STAB2: variants seen among roughly 807,000 people sequenced by gnomAD.
STAB2 encodes the protein stabilin-2.
A neutral mutation model predicts 338.1 loss-of-function variants in STAB2; 288 were observed. That is an observed-to-expected ratio of 0.85 (90% CI 0.77 to 0.94). The LOEUF (loss-of-function observed/expected upper bound fraction) is 0.94, where lower values mean the gene tolerates loss of function less well. Ranked by LOEUF, STAB2 falls within the 40% of genes least tolerant of loss-of-function variation. STAB2 has a pLI of 0.00. For missense variants in STAB2, 3,141 were observed against 3,210.1 expected (o/e 0.98, Z 0.52); for synonymous variants, 1,202 against 1,193.3 (o/e 1.01, Z -0.15).
At chr12:103,699,049 T>C (rs1489169728) in intron 33 of STAB2, 47 bp from the exon 34 acceptor site, 2 of 1,576,232 alleles carry the variant, frequency 1.3e-6, no homozygotes, top group Admixed American at 1.7e-5. Context: ...GCTGGGTAAC[T>C]GTCAGGCTGA....
At chr12:103,753,555 T>C (rs898608047) in intron 61 of STAB2, among the ~76,000 whole-genome samples, 1 of 152,186 alleles carries the variant, frequency 6.6e-6, no homozygotes, top group South Asian at 2.1e-4. Context: ...TTCGTGGATA[T>C]TATTGTTCAT....
chr12:103,711,571 A>G (rs1365454231), intron 40 of STAB2, 55 bp downstream of exon 40: 6 of 1,593,450 alleles, frequency 3.8e-6, no homozygotes, highest in Non-Finnish European at 4.3e-6. Flanking sequence ...TTTTCCCAAT[A>G]TTGTCTACCC....
At chr12:103,655,412 T>A (rs147266989) in intron 14 of STAB2, 44 bp from the exon 15 acceptor site, 16,459 of 1,611,434 alleles carry the variant, frequency 0.01, 129 homozygotes, top group Middle Eastern at 0.029. Context: ...TAAATATTTG[T>A]CCAAGGTAGG....
chr12:103,692,567 C>G (rs768993477), intron 30 of STAB2, among the ~76,000 whole-genome samples: 1 of 152,078 alleles, frequency 6.6e-6, no homozygotes, highest in Non-Finnish European at 1.5e-5. Flanking sequence ...TTCTCTTTCT[C>G]TTTTTCTTTC....
intron 3 of STAB2, among the ~76,000 whole-genome samples, chr12:103,603,298 C>T (rs7958719): frequency 0.011 from 1,698 of 152,248 alleles, 44 homozygotes; most frequent in African/African-American, 0.038. Context: ...TCTCGATCTC[C>T]TGACCTCGTG....
chr12:103,722,341 C>A (rs1470457558), intron 44 of STAB2, among the ~76,000 whole-genome samples: 2 of 152,132 alleles, frequency 1.3e-5, no homozygotes, highest in Non-Finnish European at 2.9e-5. Flanking sequence ...ATTGTACAGG[C>A]AAAGGATGTT....
chr12:103,724,565 G>A (rs1429383714), intron 44 of STAB2, among the ~76,000 whole-genome samples: 4 of 152,144 alleles, frequency 2.6e-5, no homozygotes, highest in Non-Finnish European at 5.9e-5. Flanking sequence ...TTTGAGGGCT[G>A]GGACAATGTG....
At chr12:103,669,025 A>G (rs1875454145) in intron 20 of STAB2, among the ~76,000 whole-genome samples, 1 of 152,044 alleles carries the variant, frequency 6.6e-6, no homozygotes, top group African/African-American at 2.4e-5. Flanking sequence ...CCTACCTCAG[A>G]GCATGCACAC....
intron 47 of STAB2, among the ~76,000 whole-genome samples, chr12:103,728,312 G>T (rs909017230): frequency 1.3e-5 from 2 of 151,962 alleles, no homozygotes; most frequent in Non-Finnish European, 2.9e-5. Context: ...GTTTTACCAT[G>T]TGGGCCAGGC....
intron 23 of STAB2, among the ~76,000 whole-genome samples, chr12:103,675,091 G>C (rs920074328): frequency 1.3e-5 from 2 of 152,122 alleles, no homozygotes; most frequent in African/African-American, 4.8e-5. Context: ...ACTAGATAAT[G>C]TATTTTGTTC....
intron 64 of STAB2, among the ~76,000 whole-genome samples, chr12:103,758,759 TTCA>T (rs1884319438): frequency 6.6e-6 from 1 of 152,224 alleles, no homozygotes; most frequent in Non-Finnish European, 1.5e-5. Flanking sequence ...ACCAACCTTC[TTCA>T]TATCACGGCA....
At chr12:103,648,648 T>C in intron 9 of STAB2, 42 bp from the exon 10 acceptor site, 2 of 1,599,172 alleles carry the variant, frequency 1.3e-6, no homozygotes, top group South Asian at 2.3e-5. Context: ...AAATACTCAA[T>C]GGCTCTAAAA....
intron 4 of STAB2, 122 bp downstream of exon 4, chr12:103,620,675 C>A (rs1167099815): frequency 1.2e-6 from 1 of 865,282 alleles, no homozygotes; most frequent in African/African-American, 1.7e-5. Flanking sequence ...ACATATACAG[C>A]GAAGTTCTTA....
intron 31 of STAB2, among the ~76,000 whole-genome samples, chr12:103,694,490 G>A (rs779264978): frequency 6.6e-6 from 1 of 152,126 alleles, no homozygotes; most frequent in African/African-American, 2.4e-5. Flanking sequence ...AGGTCACATG[G>A]TCTCCATCAT....
rs1957581050 is a variant in STAB2 at position 103,638,174 on chromosome 12, A to G, written c.868A>G (p.Thr290Ala). The part of the protein sequence containing the change: ...PCQINFGNCP[T>A]KSTVCKYDGP... ...CCAAATTAACTTTGGAAACTGCCCT[A>G]CAAAGTCTACAGTGTGCAAATATGA... Residue 290 changes from threonine (T) to alanine (A), a missense_variant, in exon 8 of 69, where the codon ACA becomes GCA. Coordinates refer to ENST00000388887, the MANE Select transcript of STAB2 (RefSeq NM_017564.10). 6.2e-7 allele frequency: 1 copy of G among 1,614,204 alleles called. No homozygotes were observed. The highest frequency in any genetic ancestry group is 8.5e-7 in the Non-Finnish European group (1 of 1,180,022).
intron 49 of STAB2, 102 bp from the exon 50 acceptor site, chr12:103,731,474 G>T: frequency 8.4e-7 from 1 of 1,197,364 alleles, no homozygotes; most frequent in Non-Finnish European, 1.2e-6. Flanking sequence ...CTATGTATCC[G>T]TCAGGTTATG....
At chr12:103,760,688 TCTGAGACATGCAGAGAGTAGTGC>T (rs1884470921) in intron 65 of STAB2, among the ~76,000 whole-genome samples, 1 of 152,182 alleles carries the variant, frequency 6.6e-6, no homozygotes, top group Admixed American at 6.5e-5. Flanking sequence ...GGATTCAGGT[TCTGAGACATGCAGAGAGTAGTGC>T]CTGACAGGTA....
At chr12:103,747,699 A>G (rs1883179243) in intron 58 of STAB2, among the ~76,000 whole-genome samples, 1 of 152,152 alleles carries the variant, frequency 6.6e-6, no homozygotes, top group East Asian at 1.9e-4. Flanking sequence ...ATTATTACAG[A>G]AAAAAAGAGA....
At chr12:103,762,526 G>A (rs1884614296) in intron 67 of STAB2, 124 bp downstream of exon 67, 1 of 1,466,458 alleles carries the variant, frequency 6.8e-7, no homozygotes, top group Admixed American at 1.9e-5. Flanking sequence ...TCACACAGTA[G>A]CAGGGGCGGC....
Sources: allele counts gnomAD v4.1 joint callset (sites outside exome capture counted in the v4.1 genomes callset), GRCh38; gene constraint gnomAD v4.1.1; transcripts MANE v1.5; gene names NCBI Gene and HGNC (gene_info 2026-07-23, HGNC 2026-07-21).